The following RYR3 variants were observed in gnomAD, a reference collection of about 807,000 sequenced individuals.
RYR3 encodes brain ryanodine receptor-calcium release channel.
In RYR3, 207 loss-of-function variants were observed where a neutral mutation model predicts 584.3. The ratio of observed to expected loss-of-function variants is 0.35; its 90% CI spans 0.32 to 0.40. RYR3 has a LOEUF of 0.40. Ranked by LOEUF, RYR3 falls within the 10% of genes least tolerant of loss-of-function variation. The pLI is 1.00. For synonymous variants in RYR3, 2,416 were observed against 2,248.5 expected (o/e 1.07, Z -2.11); for missense variants, 5,616 against 6,089.2 (o/e 0.92, Z 2.59).
chr15:33,695,625 T>C (rs2065788947), intron 38 of RYR3, among the ~76,000 whole-genome samples: 1 of 152,172 alleles, frequency 6.6e-6, no homozygotes, highest in Non-Finnish European at 1.5e-5. Flanking sequence ...ATCTGTTCTC[T>C]CAGCCCAGTG....
At chr15:33,709,910 G>T (rs367911291) in intron 43 of RYR3, among the ~76,000 whole-genome samples, 2 of 152,328 alleles carry the variant, frequency 1.3e-5, no homozygotes, top group East Asian at 3.9e-4. Context: ...GAAAAGTTTA[G>T]TATTGATTCA....
At chr15:33,748,919 T>C (rs908963939) in intron 55 of RYR3, among the ~76,000 whole-genome samples, 1 of 152,196 alleles carries the variant, frequency 6.6e-6, no homozygotes, top group African/African-American at 2.4e-5. Context: ...CCCCATATAC[T>C]TTAAATTATC....
At chr15:33,833,143 G>A (rs1189150803) in intron 86 of RYR3, among the ~76,000 whole-genome samples, 1 of 152,164 alleles carries the variant, frequency 6.6e-6, no homozygotes, top group African/African-American at 2.4e-5. Flanking sequence ...GGCTTTATAA[G>A]AAATAATGTC....
chr15:33,627,510 G>A (rs1022619081), intron 20 of RYR3, among the ~76,000 whole-genome samples: 1 of 152,172 alleles, frequency 6.6e-6, no homozygotes, highest in Non-Finnish European at 1.5e-5. Context: ...TGTGTGTGAT[G>A]TATATGGTGG....
chr15:33,431,275 G>C (rs183720869), intron 1 of RYR3, among the ~76,000 whole-genome samples: 1 of 152,312 alleles, frequency 6.6e-6, no homozygotes, highest in Non-Finnish European at 1.5e-5. Flanking sequence ...AACAGAATGA[G>C]TTAGATCTGT....
chr15:33,363,668 C>T (rs1315014669), intron 1 of RYR3, among the ~76,000 whole-genome samples: 3 of 152,064 alleles, frequency 2.0e-5, no homozygotes, highest in Admixed American at 6.6e-5. Context: ...TTGCAGGTTG[C>T]CAATCATGAG....
At chr15:33,685,502 C>T (rs2064935412) in intron 38 of RYR3, among the ~76,000 whole-genome samples, 1 of 152,176 alleles carries the variant, frequency 6.6e-6, no homozygotes, top group Non-Finnish European at 1.5e-5. Context: ...TAATGGGAGA[C>T]TTTAACACCC....
chr15:33,634,144 C>G (rs192678701), intron 24 of RYR3, among the ~76,000 whole-genome samples: 1 of 152,040 alleles, frequency 6.6e-6, no homozygotes, highest in South Asian at 2.1e-4. Flanking sequence ...CTTCATCTCC[C>G]GGGTTCAAGT....
At chr15:33,673,807 G>A (rs530208737) in intron 38 of RYR3, among the ~76,000 whole-genome samples, 4 of 152,336 alleles carry the variant, frequency 2.6e-5, no homozygotes, top group South Asian at 2.1e-4. Flanking sequence ...GAAGCTCCAC[G>A]CTGGCATCTT....
intron 10 of RYR3, among the ~76,000 whole-genome samples, chr15:33,555,759 G>A (rs1030337904): frequency 2.6e-5 from 4 of 152,256 alleles, no homozygotes; most frequent in African/African-American, 7.2e-5. Flanking sequence ...TGAGAAATAC[G>A]GAGAAAAGAG....
chr15:33,648,823 G>T (rs1345865833), intron 30 of RYR3, among the ~76,000 whole-genome samples: 2 of 152,214 alleles, frequency 1.3e-5, no homozygotes, highest in Non-Finnish European at 2.9e-5. Context: ...GCAAAGGGTG[G>T]TAGATTAGCT....
chr15:33,573,908 T>G (rs2058164895), intron 12 of RYR3, among the ~76,000 whole-genome samples: 1 of 152,214 alleles, frequency 6.6e-6, no homozygotes, highest in Admixed American at 6.5e-5. Context: ...TATGTCTTAT[T>G]TTTTGAGGAC....
intron 48 of RYR3, among the ~76,000 whole-genome samples, chr15:33,734,634 T>G (rs2069253763): frequency 6.6e-6 from 1 of 152,008 alleles, no homozygotes; most frequent in African/African-American, 2.4e-5. Context: ...GAGACTGATT[T>G]GAGCTGCAAA....
chr15:33,565,048 A>G (rs2057629795), intron 11 of RYR3, among the ~76,000 whole-genome samples: 1 of 152,186 alleles, frequency 6.6e-6, no homozygotes, highest in Non-Finnish European at 1.5e-5. Flanking sequence ...CCTCTTTCCT[A>G]TTCCTATCTT....
Position 33,662,293 on chromosome 15 carries a change from A to T in RYR3, c.4763A>T (p.Gln1588Leu). 3 of 1,611,410 alleles carry T rather than the reference A, an allele frequency of 1.9e-6. No individual in the cohort carries two copies. Among genetic ancestry groups the T allele is most frequent in the Non-Finnish European group, 2.5e-6 (3 of 1,178,956 alleles). ...YALCSHVDLS[Q>L]LFYAIDNKYL... ...CTGTGCAGCCACGTGGACCTCTCCC[A>T]GCTCTTCTATGCCATTGACAACAAG... Residue 1588 changes from glutamine (Q) to leucine (L), a missense_variant, in exon 35 of 104, where the codon CAG (glutamine) becomes CTG (leucine). Gln to Leu is a moderately radical substitution (Grantham distance 113). Transcript: ENST00000634891.
chr15:33,685,471 A>G (rs12914622), intron 38 of RYR3, among the ~76,000 whole-genome samples: 20 of 151,798 alleles, frequency 1.3e-4, no homozygotes, highest in Admixed American at 1.2e-3. Context: ...CTACAAAGAG[A>G]CTTAGACTCC....
At chr15:33,682,794 T>C (rs2064720621) in intron 38 of RYR3, among the ~76,000 whole-genome samples, 1 of 152,154 alleles carries the variant, frequency 6.6e-6, no homozygotes, top group Admixed American at 6.5e-5. Context: ...AGTCAGTGCA[T>C]AAAAATCCTA....
chr15:33,603,490 G>A (rs761663151), intron 18 of RYR3, 126 bp downstream of exon 18: 5 of 1,018,336 alleles, frequency 4.9e-6, no homozygotes, highest in South Asian at 1.7e-5. Flanking sequence ...CTAATTAAAC[G>A]GTTAGGTGGA....
rs781065862 is a variant in RYR3, at chr15:33,728,863, C to G, written c.7040C>G (p.Ser2347Trp). The stretch of plus-strand genomic sequence containing the variant: ...TTTTCTATGTGTCTTTCAGATGGGT[C>G]GGTCAGTGAGCCAGATATGGCGGCC... Reference protein sequence around the residue: ...LKLPSLNKDGSVSEPDMAANF... With the variant: ...LKLPSLNKDGWVSEPDMAANF... The change falls in exon 47 of 104, where the codon TCG becomes TGG. Residue 2347 changes from serine to tryptophan, a missense_variant. Ser to Trp is a radical substitution (Grantham distance 177). Coordinates refer to ENST00000634891, the MANE Select transcript of RYR3 (RefSeq NM_001036.6). 2 of 1,610,690 alleles carry G rather than the reference C, an allele frequency of 1.2e-6. No individual in the cohort carries two copies. The highest frequency in any genetic ancestry group is 1.7e-6 in the Non-Finnish European group (2 of 1,178,922).
Sources: allele counts gnomAD v4.1 joint callset (sites outside exome capture counted in the v4.1 genomes callset), GRCh38; gene constraint gnomAD v4.1.1; transcripts MANE v1.5; gene names NCBI Gene and HGNC (gene_info 2026-07-23, HGNC 2026-07-21).